The following SLC30A4 variants were observed in gnomAD, a reference collection of about 807,000 sequenced individuals.
SLC30A4 encodes solute carrier family 30 member 4, also known as probable proton-coupled zinc antiporter SLC30A4.
In SLC30A4, 20 loss-of-function variants were observed where a neutral mutation model predicts 41.7. The ratio of observed to expected loss-of-function variants is 0.48; its 90% CI spans 0.34 to 0.70. The LOEUF is 0.70. Ranked by LOEUF, SLC30A4 falls within the 30% of genes least tolerant of loss-of-function variation. The pLI is 0.01. For synonymous variants in SLC30A4, 181 were observed against 195.9 expected (o/e 0.92, Z 0.64); for missense variants, 441 against 529.3 (o/e 0.83, Z 1.64).
Position 45,486,706 on chromosome 15 carries a change from G to T in SLC30A4, c.1040C>A (p.Ala347Asp), listed in dbSNP as rs139044393. Residue 347 changes from alanine (A) to aspartate (D), a missense_variant, in exon 7 of 8, where the codon GCC becomes GAC. By Grantham distance (126) the Ala-to-Asp change is moderately radical (BLOSUM62 -2). Transcript: ENST00000261867. ...ATATACATCTTCTATTTTCATCAAG[G>T]CTTCTTTGATATAGTCTACATTCAA... is the stretch of plus-strand genomic sequence containing the variant. ...SHLNVDYIKE[A>D]LMKIEDVYSV... is the part of the protein sequence containing the mutation. The T allele has an allele frequency of 5.0e-6, 8 of 1,591,730 alleles. No homozygotes were observed. The South Asian group carries it at 5.7e-5, about 11-fold the overall frequency.
Position 45,522,418 on chromosome 15 carries a change from C to G in SLC30A4, c.-64G>C. 1.4e-6 allele frequency: 2 copies of G among 1,480,616 alleles called. No homozygotes were observed. The highest frequency in any genetic ancestry group is 4.6e-5 in the East Asian group (2 of 43,476). 91.7% of individuals were successfully genotyped at this position (1,480,616 alleles called of 1,614,324 possible). On this transcript the variant is annotated 5_prime_UTR_variant, in exon 2 of 8. Coordinates refer to ENST00000261867, the MANE Select transcript of SLC30A4 (RefSeq NM_013309.6). ...GGAGGCGGACGGCCGGCGGCGCCTA[C>G]TTCACCGGAGCGCCAGTTCTCGAGG...
At chr15:45,505,238 T>TAAA (rs1209222695) in intron 3 of SLC30A4, among the ~76,000 whole-genome samples, 1 of 53,278 alleles carries the variant, frequency 1.9e-5, no homozygotes, top group African/African-American at 7.1e-5. Flanking sequence ...TCTCAAAAAT[T>TAAA]AAAAAAAAAA....
intron 2 of SLC30A4, chr15:45,521,700 C>T: frequency 2.4e-6 from 1 of 410,512 alleles, no homozygotes; most frequent in Non-Finnish European, 4.3e-6. Context: ...ACATGACATA[C>T]AATGAAGATA....
chr15:45,482,057 TAAAAA>T lies in SLC30A4; in HGVS notation c.*3101_*3105del, dbSNP rs57854212. ...GCAACATAGGGAGACCCCATCTCAT[TAAAAA>T]AAAAAAAAAAAAAAAAAAAAAAAGA... On this transcript the variant is annotated 3_prime_UTR_variant, in exon 8 of 8. Transcript: ENST00000261867. The T allele has an allele frequency of 2.0e-4, 7 of 35,822 alleles. No individual in the cohort carries two copies. Among genetic ancestry groups the T allele is most frequent in the East Asian group, 2.0e-3 (2 of 1,004 alleles). 2.2% of individuals were successfully genotyped at this position (35,822 alleles called of 1,614,324 possible). A position where few individuals can be genotyped will look rare whatever the true frequency, so the allele number is the denominator to read the frequency against.
chr15:45,505,952 G>C (rs1362577390), intron 3 of SLC30A4, among the ~76,000 whole-genome samples: 1 of 152,134 alleles, frequency 6.6e-6, no homozygotes, highest in Non-Finnish European at 1.5e-5. Flanking sequence ...GGCCGAGGCG[G>C]GTGGATCACT....
chr15:45,491,697 A>G (rs192097567), intron 3 of SLC30A4, among the ~76,000 whole-genome samples: 17 of 152,256 alleles, frequency 1.1e-4, no homozygotes, highest in Non-Finnish European at 1.5e-5. Context: ...TCAAGACTCT[A>G]TCTCTAAAAA....
chr15:45,519,521 T>C (rs1292014119), intron 2 of SLC30A4: 1 of 152,230 alleles, frequency 6.6e-6, no homozygotes, highest in African/African-American at 2.4e-5. Flanking sequence ...TTGGACACAC[T>C]TTAATAAATG....
chr15:45,500,919 G>A (rs890890318), intron 3 of SLC30A4, among the ~76,000 whole-genome samples: 1 of 151,446 alleles, frequency 6.6e-6, no homozygotes, highest in South Asian at 2.1e-4. Context: ...TTTGACCTCA[G>A]GTGATCCACC....
chr15:45,495,830 A>G (rs1891897879), intron 3 of SLC30A4, among the ~76,000 whole-genome samples: 1 of 152,166 alleles, frequency 6.6e-6, no homozygotes. Flanking sequence ...AATTCAGCTG[A>G]TTTCTAGAAA....
At chr15:45,487,140 A>G (rs1400685920) in intron 6 of SLC30A4, among the ~76,000 whole-genome samples, 2 of 152,192 alleles carry the variant, frequency 1.3e-5, no homozygotes, top group Non-Finnish European at 2.9e-5. Flanking sequence ...TGCAGTAAAT[A>G]CAACAAAGTC....
Position 45,522,371 on chromosome 15 carries a change from C to A in SLC30A4, c.-17G>T. The A allele has an allele frequency of 1.3e-6, 2 of 1,588,172 alleles. No individual in the cohort carries two copies. Among genetic ancestry groups the A allele is most frequent in the Non-Finnish European group, 8.6e-7 (1 of 1,169,412 alleles). The stretch of plus-strand genomic sequence containing the variant: ...GCCGGCCATGGCAGAGGCTGAGCGG[C>A]CGCGGTGCGGAACGGCTTGGGGGAG... On this transcript the variant is annotated 5_prime_UTR_variant, in exon 2 of 8. Transcript: ENST00000261867.
In SLC30A4 at chr15:45,521,987, A is replaced by T; in HGVS notation, c.368T>A (p.Leu123His). 1 of 1,613,810 alleles carries T rather than the reference A, an allele frequency of 6.2e-7. No homozygotes were observed. ...RLTIAAVLYL[L>H]FMIGELVGGY... The stretch of plus-strand genomic sequence containing the variant: ...ACCTACAAGTTCTCCAATCATGAAA[A>T]GCAAGTACAGAACGGCAGCAATGGT... The change falls in exon 2 of 8, where the codon CTT becomes CAT. Residue 123 changes from leucine to histidine, a missense_variant. Physicochemically the swap from Leu to His is moderately conservative, Grantham distance 99 (BLOSUM62 -3). Transcript: ENST00000261867.
Position 45,522,121 on chromosome 15 carries a change from G to A in SLC30A4, c.234C>T (p.Asp78=). 6.2e-7 allele frequency: 1 copy of A among 1,614,194 alleles called. No homozygotes were observed. Among genetic ancestry groups the A allele is most frequent in the East Asian group, 2.2e-5 (1 of 44,884 alleles). Residue 78 remains aspartate (D), a synonymous_variant, in exon 2 of 8, where the codon GAC becomes GAT. Transcript: ENST00000261867. ...TLQADDDSLL[D]QDLPLTNSQL... Reference sequence around the variant, plus strand: ...GACTGTTGGTCAAAGGTAAGTCTTGGTCCAGTAAGGAATCATCGTCGGCCT... The same window carrying A: ...GACTGTTGGTCAAAGGTAAGTCTTGATCCAGTAAGGAATCATCGTCGGCCT...
rs1891582314 is a variant in SLC30A4, at chr15:45,480,135, ACT to A, written c.*5026_*5027del. 1 of 152,208 alleles carries A rather than the reference ACT, an allele frequency of 6.6e-6. No individual in the cohort carries two copies. Among genetic ancestry groups the A allele is most frequent in the Admixed American group, 6.5e-5 (1 of 15,282 alleles). The allele number at this position is 152,208 out of a possible 1,614,324, so 9.4% of individuals were successfully genotyped here. ...ACTAAATTGCACTATTTAAGTGGAC[ACT>A]GTCATAGATTTAACTGGGAAAGTCT... On this transcript the variant is annotated 3_prime_UTR_variant, in exon 8 of 8. Coordinates refer to ENST00000261867, the MANE Select transcript of SLC30A4 (RefSeq NM_013309.6).
chr15:45,514,380 T>A (rs1438252856), intron 2 of SLC30A4, among the ~76,000 whole-genome samples: 2 of 139,738 alleles, frequency 1.4e-5, no homozygotes, highest in South Asian at 4.6e-4. Flanking sequence ...AAAAAAAAAA[T>A]TATAGAAATG....
intron 3 of SLC30A4, among the ~76,000 whole-genome samples, chr15:45,494,052 A>C (rs1227220915): frequency 6.6e-6 from 1 of 152,170 alleles, no homozygotes; most frequent in Non-Finnish European, 1.5e-5. Flanking sequence ...AGACCTCTAT[A>C]TTAAGTACAG....
In SLC30A4 at chr15:45,511,544, T is replaced by C. The variant is rs182616181; in HGVS notation, c.392-260A>G. ...TGTTGCCCAGGCTGGAGTGCAGTGG[T>C]GCAATCTCAGCTCACTGCAACCTCT... On this transcript the variant is annotated intron_variant, in intron 2 of 7. Coordinates refer to ENST00000261867, the MANE Select transcript of SLC30A4 (RefSeq NM_013309.6). 2.1e-3 allele frequency among the ~76,000 whole-genome samples: 318 copies of C among 152,158 alleles called. 1 individual carries two copies. Among genetic ancestry groups the C allele is most frequent in the African/African-American group, 7.2e-3 (298 of 41,530 alleles).
At chr15:45,515,381 G>A (rs1320096114) in intron 2 of SLC30A4, among the ~76,000 whole-genome samples, 10 of 152,018 alleles carry the variant, frequency 6.6e-5, no homozygotes, top group African/African-American at 1.2e-4. Context: ...TCGGCCGGGC[G>A]TGGTGGCTCA....
intron 3 of SLC30A4, among the ~76,000 whole-genome samples, chr15:45,493,355 TGTAA>T (rs1891847472): frequency 6.6e-6 from 1 of 152,208 alleles, no homozygotes; most frequent in South Asian, 2.1e-4. Context: ...ACACTAATCC[TGTAA>T]GTGTTAATAG....
Sources: gnomAD v4.1 joint callset for allele counts (sites outside exome capture counted in the v4.1 genomes callset) on GRCh38, gnomAD v4.1.1 for gene constraint, MANE v1.5 for transcripts, NCBI Gene and HGNC (gene_info 2026-07-23, HGNC 2026-07-21) for gene names.